Variants in AFG2A observed in about 807,000 individuals in gnomAD.
AFG2A encodes the protein ATPase family gene 2 protein homolog A.
At chr4:122,971,459 GTTTT>G in the AFG2A span, among the ~76,000 whole-genome samples, 1 of 152,084 alleles carries the variant, frequency 6.6e-6, no homozygotes, top group Non-Finnish European at 1.5e-5. Flanking sequence ...GTTCTTTTGA[GTTTT>G]TTATCTATCA....
chr4:122,982,565 G>T, the AFG2A span, among the ~76,000 whole-genome samples: 1 of 152,158 alleles, frequency 6.6e-6, no homozygotes, highest in African/African-American at 2.4e-5. Flanking sequence ...ATTCTACTAA[G>T]AATTTAAAGA....
At chr4:122,985,104 T>C in the AFG2A span, among the ~76,000 whole-genome samples, 3 of 151,934 alleles carry the variant, frequency 2.0e-5, no homozygotes, top group African/African-American at 4.8e-5. Flanking sequence ...GGACTTCTTT[T>C]TGTTGGAAAA....
At chr4:122,979,352 G>C in the AFG2A span, 3 of 1,614,092 alleles carry the variant, frequency 1.9e-6, no homozygotes, top group Non-Finnish European at 2.5e-6. Context: ...ATCAGACCCA[G>C]TGCCATGAGG....
the AFG2A span, among the ~76,000 whole-genome samples, chr4:123,122,180 G>T: frequency 6.6e-6 from 1 of 152,146 alleles, no homozygotes; most frequent in Non-Finnish European, 1.5e-5. Flanking sequence ...ATGTTGATGA[G>T]AAAGAGATAG....
the AFG2A span, among the ~76,000 whole-genome samples, chr4:123,065,550 T>C: frequency 2.0e-5 from 3 of 152,128 alleles, no homozygotes; most frequent in Admixed American, 6.6e-5. Flanking sequence ...TCCATATAGG[T>C]TGAAATATAG....
At chr4:122,923,283 G>C in the AFG2A span, 1 of 1,613,894 alleles carries the variant, frequency 6.2e-7, no homozygotes, top group Non-Finnish European at 8.5e-7. Flanking sequence ...GGACTCTGAC[G>C]GTGACCAACT....
the AFG2A span, among the ~76,000 whole-genome samples, chr4:123,282,388 A>T: frequency 6.6e-6 from 1 of 152,128 alleles, no homozygotes; most frequent in Non-Finnish European, 1.5e-5. Context: ...TCTAGTGGAT[A>T]CAGTATGCTC....
chr4:123,173,340 G>GTTTT, the AFG2A span, among the ~76,000 whole-genome samples: 277 of 70,290 alleles, frequency 3.9e-3, 21 homozygotes, highest in African/African-American at 6.3e-3. Context: ...AAGTCCAATG[G>GTTTT]TTTTTTTTTT....
At chr4:123,043,888 G>T in the AFG2A span, among the ~76,000 whole-genome samples, 8 of 152,302 alleles carry the variant, frequency 5.3e-5, no homozygotes, top group African/African-American at 1.9e-4. Flanking sequence ...AACACTTGCA[G>T]TCAGCAGATA....
At chr4:123,193,250 T>A in the AFG2A span, among the ~76,000 whole-genome samples, 3,263 of 152,326 alleles carry the variant, frequency 0.021, 65 homozygotes, top group Non-Finnish European at 0.035. Context: ...CACGTACACA[T>A]TAGCATCCAT....
At chr4:123,198,408 C>T in the AFG2A span, among the ~76,000 whole-genome samples, 1 of 152,122 alleles carries the variant, frequency 6.6e-6, no homozygotes, top group South Asian at 2.1e-4. Context: ...CACACAAATT[C>T]GTATGCATTT....
At chr4:123,030,963 A>T in the AFG2A span, among the ~76,000 whole-genome samples, 1 of 152,188 alleles carries the variant, frequency 6.6e-6, no homozygotes, top group East Asian at 1.9e-4. Context: ...CTATTCGTTC[A>T]ACTCTCCTAT....
the AFG2A span, among the ~76,000 whole-genome samples, chr4:123,136,502 A>G: frequency 2.0e-5 from 3 of 150,942 alleles, no homozygotes; most frequent in Non-Finnish European, 2.9e-5. Flanking sequence ...CCCCGTCTCT[A>G]CTAAAAAAAA....
At chr4:123,206,523 G>A in the AFG2A span, among the ~76,000 whole-genome samples, 1 of 152,026 alleles carries the variant, frequency 6.6e-6, no homozygotes, top group African/African-American at 2.4e-5. Context: ...AATTAATTTT[G>A]CAAAGCTGTA....
chr4:123,267,232 A>G, the AFG2A span, among the ~76,000 whole-genome samples: 946 of 152,168 alleles, frequency 6.2e-3, 13 homozygotes, highest in African/African-American at 0.021. Flanking sequence ...GAATTTAACC[A>G]TGCCTTAGAC....
At chr4:123,286,279 G>T in the AFG2A span, among the ~76,000 whole-genome samples, 2 of 152,040 alleles carry the variant, frequency 1.3e-5, no homozygotes, top group Non-Finnish European at 2.9e-5. Context: ...GTTACATTTT[G>T]TCACTCTAAA....
At chr4:123,220,416 C>G in the AFG2A span, among the ~76,000 whole-genome samples, 1 of 151,414 alleles carries the variant, frequency 6.6e-6, no homozygotes, top group Admixed American at 6.6e-5. Flanking sequence ...TCCAGACCAG[C>G]CTGGCCGATG....
chr4:122,976,891 T>C, the AFG2A span, among the ~76,000 whole-genome samples: 1 of 152,182 alleles, frequency 6.6e-6, no homozygotes. Flanking sequence ...TCTTTTTGGC[T>C]TTTTTTATGG....
chr4:123,172,759 C>T, the AFG2A span, among the ~76,000 whole-genome samples: 1 of 151,894 alleles, frequency 6.6e-6, no homozygotes, highest in Non-Finnish European at 1.5e-5. Context: ...TGTTGGTTTA[C>T]AATACTGGGA....
Sources: allele counts gnomAD v4.1 joint callset (sites outside exome capture counted in the v4.1 genomes callset), GRCh38; gene constraint gnomAD v4.1.1; transcripts MANE v1.5; gene names NCBI Gene and HGNC (gene_info 2026-07-23, HGNC 2026-07-21).